The following HIP1R variants were observed in gnomAD, a reference collection of about 807,000 sequenced individuals.
HIP1R encodes the protein huntingtin-interacting protein 1-related protein.
In HIP1R, 135 loss-of-function variants were observed where a neutral mutation model predicts 144.2. That is an observed-to-expected ratio of 0.94 (90% CI 0.81 to 1.08). The LOEUF is 1.08. Among genes scored for constraint, HIP1R ranks in the 50% least tolerant of loss-of-function variants. HIP1R has a pLI of 0.00. For missense variants in HIP1R, 1,462 were observed against 1,432.8 expected, an observed-to-expected ratio of 1.02 and a Z score of -0.33; for synonymous variants, 698 against 612.8, an observed-to-expected ratio of 1.14 and a Z score of -2.05.
Position 122,836,419 on chromosome 12 carries a change from T to C in HIP1R, c.93+776T>C, listed in dbSNP as rs2032897539. ...GATGATGCCTATCCTGGGAAGGCGT[T>C]AGAAATGAAATAAGGGCGCGGGTGT... On this transcript the variant is annotated intron_variant, in intron 1 of 31. Coordinates refer to ENST00000253083, the MANE Select transcript of HIP1R (RefSeq NM_003959.3). The surrounding 1 kb of genome is among the most constrained non-coding windows in gnomAD (Gnocchi z 4.1). 1.3e-5 allele frequency among the ~76,000 whole-genome samples: 2 copies of C among 152,072 alleles called. No homozygotes were observed. The highest frequency in any genetic ancestry group is 4.8e-5 in the African/African-American group (2 of 41,406).
intron 8 of HIP1R, 89 bp from the exon 9 acceptor site, chr12:122,854,816 A>T (rs2033513438): frequency 4.4e-6 from 6 of 1,366,842 alleles, no homozygotes; most frequent in Admixed American, 2.0e-5. Flanking sequence ...CTGATCTGTG[A>T]GTTTGTAGCA....
rs757185118 is a variant in HIP1R, at chr12:122,858,180, G to A, written c.1894G>A (p.Ala632Thr). The change falls in exon 19 of 32, where the codon GCG (alanine) becomes ACG (threonine). Residue 632 changes from alanine to threonine, a missense_variant. Coordinates refer to ENST00000253083, the MANE Select transcript of HIP1R (RefSeq NM_003959.3). The stretch of plus-strand genomic sequence containing the variant: ...GTTGCGGGGCGCTGCTGCCGAGGCC[G>A]CGGGCATCCTGCAGGATGCCGTGAG... ...AVLRGAAAEA[A>T]GILQDAVSKL... is the part of the protein sequence containing the mutation. 101 of 1,607,384 alleles carry A rather than the reference G, an allele frequency of 6.3e-5. No individual in the cohort carries two copies. Among genetic ancestry groups the A allele is most frequent in the Non-Finnish European group, 8.2e-5 (97 of 1,178,004 alleles).
At position 122,848,753 on chromosome 12, in the gene HIP1R, C is replaced by T. The variant is rs776773873; in HGVS notation, c.301-43C>T. On this transcript the variant is annotated intron_variant, in intron 3 of 31. Transcript: ENST00000253083. Reference sequence around the variant, plus strand: ...GTGCGTGTCTCAGGGCCCTGCCACACGGTCCTGGACACTCCCCCACTCCCG... The same window carrying T: ...GTGCGTGTCTCAGGGCCCTGCCACATGGTCCTGGACACTCCCCCACTCCCG... 6.5e-5 allele frequency: 104 copies of T among 1,607,968 alleles called. No individual in the cohort carries two copies. The Middle Eastern group carries it at 6.6e-4, about 10-fold the overall frequency.
At chr12:122,859,031 G>GT in intron 21 of HIP1R, 30 bp from the exon 22 acceptor site, 3 of 1,606,890 alleles carry the variant, frequency 1.9e-6, no homozygotes, top group Non-Finnish European at 2.5e-6. Flanking sequence ...CGGTGGGGGG[G>GT]GCTCCACTCA....
intron 2 of HIP1R, 128 bp downstream of exon 2, chr12:122,848,222 C>T (rs1476247619): frequency 1.9e-6 from 2 of 1,061,970 alleles, no homozygotes; most frequent in Non-Finnish European, 2.8e-6. Context: ...GAGGAGGGTC[C>T]TGTGCAGCTT....
intron 1 of HIP1R, among the ~76,000 whole-genome samples, chr12:122,846,828 C>G (rs184547430): frequency 3.2e-4 from 49 of 152,340 alleles, no homozygotes; most frequent in African/African-American, 1.1e-3. Flanking sequence ...CCAGGTAGGG[C>G]CCCCCAGCTT....
rs1168296563 is a variant in HIP1R, at chr12:122,862,655, G to C, written c.*902G>C. ...CCTCAGGGAGGGGACCCTGCGGCTAGAGTGGGCTAGGCCCTGGCTTTGCCC... is the reference window on the plus strand; with the variant it reads ...CCTCAGGGAGGGGACCCTGCGGCTACAGTGGGCTAGGCCCTGGCTTTGCCC... On this transcript the variant is annotated 3_prime_UTR_variant, in exon 32 of 32. Transcript: ENST00000253083. 1 of 152,108 alleles carries C rather than the reference G, an allele frequency of 6.6e-6. No individual in the cohort carries two copies. The highest frequency in any genetic ancestry group is 6.5e-5 in the Admixed American group (1 of 15,282). 9.4% of individuals were successfully genotyped at this position (152,108 alleles called of 1,614,324 possible). A position where few individuals can be genotyped will look rare whatever the true frequency, so the allele number is the denominator to read the frequency against.
chr12:122,855,166 CCCCAGGCA>C (rs2033528215), intron 10 of HIP1R, 38 bp downstream of exon 10: 21 of 1,610,466 alleles, frequency 1.3e-5, no homozygotes, highest in Non-Finnish European at 1.8e-5. Context: ...CCTTTGAGGA[CCCCAGGCA>C]CCTGGCTGGG....
rs374259366 is a variant in HIP1R at position 122,850,930 on chromosome 12, C to T, written c.515+19C>T. ...ACAACATGTGAGTCACTCTGCATGGCTACATAGCCAGTTCCCCTCGGCTTC... is the reference window on the plus strand; with the variant it reads ...ACAACATGTGAGTCACTCTGCATGGTTACATAGCCAGTTCCCCTCGGCTTC... On this transcript the variant is annotated intron_variant, in intron 6 of 31. Coordinates refer to ENST00000253083, the MANE Select transcript of HIP1R (RefSeq NM_003959.3). 1.9e-5 allele frequency: 31 copies of T among 1,601,116 alleles called. No individual in the cohort carries two copies. The highest frequency in any genetic ancestry group is 2.6e-5 in the Non-Finnish European group (30 of 1,171,412).
chr12:122,859,249 C>T, intron 22 of HIP1R, 52 bp downstream of exon 22: 8 of 1,541,944 alleles, frequency 5.2e-6, no homozygotes, highest in Non-Finnish European at 7.0e-6. Flanking sequence ...CCTCTGACCT[C>T]TGCACCCACC....
chr12:122,855,634 T>C, intron 12 of HIP1R, 22 bp downstream of exon 12: 3 of 1,549,714 alleles, frequency 1.9e-6, no homozygotes, highest in Non-Finnish European at 2.6e-6. Context: ...AGGAGCCGAC[T>C]GGGCTGGGGG....
At chr12:122,847,734 A>G (rs550406781) in intron 1 of HIP1R, among the ~76,000 whole-genome samples, 34 of 152,330 alleles carry the variant, frequency 2.2e-4, no homozygotes, top group Admixed American at 1.1e-3. Flanking sequence ...CACATCTGCC[A>G]GGAGAGTCAA....
intron 1 of HIP1R, among the ~76,000 whole-genome samples, chr12:122,845,140 G>A (rs1013964759): frequency 5.3e-5 from 8 of 152,200 alleles, no homozygotes; most frequent in African/African-American, 1.2e-4. Flanking sequence ...GAGTGAGCCC[G>A]AGTGCCTGCT....
intron 1 of HIP1R, among the ~76,000 whole-genome samples, chr12:122,839,481 A>G (rs887824535): frequency 2.6e-5 from 4 of 152,194 alleles, no homozygotes; most frequent in Non-Finnish European, 2.9e-5. Flanking sequence ...AATATGTGGA[A>G]ACAGTTCATA....
intron 18 of HIP1R, 91 bp from the exon 19 acceptor site, chr12:122,858,011 C>T: frequency 8.1e-7 from 1 of 1,231,408 alleles, no homozygotes; most frequent in Non-Finnish European, 1.1e-6. Context: ...AGCTGGGCTC[C>T]AACTGGTGGC....
In HIP1R at chr12:122,858,356, G is replaced by T; in HGVS notation, c.1971G>T (p.Leu657=). 6.2e-7 allele frequency: 1 copy of T among 1,609,374 alleles called. No individual in the cohort carries two copies. The change falls in exon 20 of 32, where the codon CTG becomes CTT. Residue 657 remains leucine (L), a synonymous_variant. Coordinates refer to ENST00000253083, the MANE Select transcript of HIP1R (RefSeq NM_003959.3). ...TTCTCCTCGTGCTTGCAGACTACCT[G>T]GTGAGCAGGGCCCAGGAGGCCTTGG... ...HLRCTSSPDY[L]VSRAQEALDA... is the part of the protein sequence containing the mutation.
At chr12:122,848,970 G>A in intron 4 of HIP1R, 118 bp downstream of exon 4, 1 of 1,026,740 alleles carries the variant, frequency 9.7e-7, no homozygotes, top group Non-Finnish European at 1.5e-6. Flanking sequence ...TTTCCCAGGG[G>A]CGACAGTGGG....
chr12:122,860,563 C>T (rs575677649), intron 27 of HIP1R, 40 bp downstream of exon 27: 12 of 1,590,944 alleles, frequency 7.5e-6, no homozygotes, highest in South Asian at 1.1e-5. Flanking sequence ...GGGCTGCTTC[C>T]TGCCAGTTGG....
chr12:122,859,777 G>A lies in HIP1R; in HGVS notation c.2412G>A (p.Met804Ile). ...GGCTCTGTTCTTGGGTGCAGGACAT[G>A]ATGAACCAGGCACGCCACGCCAGCT... ...IEDAVRRIED[M>I]MNQARHASSG... is the part of the protein sequence containing the mutation. The change falls in exon 24 of 32, where the codon ATG (methionine) becomes ATA (isoleucine). Residue 804 changes from methionine to isoleucine, a missense_variant. Coordinates refer to ENST00000253083, the MANE Select transcript of HIP1R (RefSeq NM_003959.3). 6.2e-7 allele frequency: 1 copy of A among 1,612,994 alleles called. No individual in the cohort carries two copies. The highest frequency in any genetic ancestry group is 8.5e-7 in the Non-Finnish European group (1 of 1,179,820).
Sources: allele counts gnomAD v4.1 joint callset (sites outside exome capture counted in the v4.1 genomes callset), GRCh38; gene constraint gnomAD v4.1.1; non-coding constraint Gnocchi (gnomAD v3.1); transcripts MANE v1.5; gene names NCBI Gene and HGNC (gene_info 2026-07-23, HGNC 2026-07-21).